ADGRV1: variants seen among roughly 807,000 people sequenced by gnomAD.
The protein encoded by ADGRV1 is adhesion G protein-coupled receptor V1.
Under a neutral mutation model 596.2 loss-of-function variants are expected in ADGRV1, and 359 were observed. That is an observed-to-expected ratio of 0.60 (90% CI 0.55 to 0.66). The LOEUF is 0.66. Among genes scored for constraint, ADGRV1 ranks in the 30% least tolerant of loss-of-function variants. The pLI is 0.00. For synonymous variants in ADGRV1, 2,681 were observed against 2,679.2 expected, an observed-to-expected ratio of 1.00 and a Z score of -0.02; for missense variants, 7,274 against 7,575.6, an observed-to-expected ratio of 0.96 and a Z score of 1.48.
At position 90,836,523 on chromosome 5, in the gene ADGRV1, C is replaced by T. The variant is rs565161610; in HGVS notation, c.16612-4055C>T. ...CATTTCTATAATATTATTGAAATTA[C>T]AAAATTATAGGAATGGAAAAGAAAT... On this transcript the variant is annotated intron_variant, in intron 77 of 89. Transcript: ENST00000405460. 3.8e-4 allele frequency among the ~76,000 whole-genome samples: 58 copies of T among 151,426 alleles called. 1 individual carries two copies. The South Asian group carries it at 0.012, about 31-fold the overall frequency.
At chr5:91,029,211 CA>C (rs200135664) in intron 85 of ADGRV1, among the ~76,000 whole-genome samples, 3,644 of 151,262 alleles carry the variant, frequency 0.024, 58 homozygotes, top group Middle Eastern at 0.076. Context: ...GACTCCGTCT[CA>C]AAAAAAAATT....
intron 1 of ADGRV1, among the ~76,000 whole-genome samples, chr5:90,569,039 G>A (rs568974623): frequency 1.7e-4 from 26 of 152,186 alleles, no homozygotes; most frequent in Non-Finnish European, 3.2e-4. Flanking sequence ...TATCTGGCAA[G>A]GGCTTTTGTG....
intron 73 of ADGRV1, among the ~76,000 whole-genome samples, chr5:90,808,630 C>T (rs1762131615): frequency 6.6e-6 from 1 of 152,206 alleles, no homozygotes; most frequent in South Asian, 2.1e-4. Flanking sequence ...CGTGGCGGCT[C>T]ACGCCTGTAA....
At chr5:90,649,213 A>G (rs1463613977) in intron 17 of ADGRV1, among the ~76,000 whole-genome samples, 1 of 152,120 alleles carries the variant, frequency 6.6e-6, no homozygotes, top group Non-Finnish European at 1.5e-5. Flanking sequence ...CATGTTAGCC[A>G]GGATGGTCTT....
At chr5:90,780,805 A>T (rs558780599) in intron 64 of ADGRV1, among the ~76,000 whole-genome samples, 4 of 151,982 alleles carry the variant, frequency 2.6e-5, no homozygotes, top group African/African-American at 9.7e-5. Context: ...GACTAAAGGG[A>T]TCCTCTCACC....
At chr5:90,906,972 C>T (rs1772383482) in intron 83 of ADGRV1, among the ~76,000 whole-genome samples, 1 of 152,158 alleles carries the variant, frequency 6.6e-6, no homozygotes, top group African/African-American at 2.4e-5. Flanking sequence ...CCTGCTAAGC[C>T]TCTCTGTAGG....
chr5:90,945,465 T>C (rs927183828), intron 83 of ADGRV1, among the ~76,000 whole-genome samples: 3 of 152,078 alleles, frequency 2.0e-5, no homozygotes, highest in East Asian at 1.9e-4. Context: ...ACTGAGGGCA[T>C]TGGTGAGAGA....
intron 50 of ADGRV1, among the ~76,000 whole-genome samples, chr5:90,744,813 C>CT (rs1754422978): frequency 6.6e-6 from 1 of 152,076 alleles, no homozygotes; most frequent in Non-Finnish European, 1.5e-5. Flanking sequence ...CCAGTAATTT[C>CT]TTTTTTATTA....
At chr5:91,046,519 G>A (rs1400260182) in intron 85 of ADGRV1, among the ~76,000 whole-genome samples, 2 of 152,092 alleles carry the variant, frequency 1.3e-5, no homozygotes, top group Admixed American at 1.3e-4. Flanking sequence ...AACTCAAGAT[G>A]GGTTAAGGAC....
At chr5:90,980,286 TA>T (rs1283132612) in intron 84 of ADGRV1, among the ~76,000 whole-genome samples, 3 of 152,222 alleles carry the variant, frequency 2.0e-5, no homozygotes, top group African/African-American at 7.2e-5. Flanking sequence ...AATTTTCATT[TA>T]ATTGTCTCTT....
intron 50 of ADGRV1, among the ~76,000 whole-genome samples, chr5:90,735,279 T>C (rs571056141): frequency 6.6e-6 from 1 of 152,354 alleles, no homozygotes; most frequent in East Asian, 1.9e-4. Context: ...ACTCTCTTTC[T>C]TCATTGTGTG....
chr5:90,824,114 ATTTC>A (rs71982395), intron 76 of ADGRV1, among the ~76,000 whole-genome samples: 5,855 of 152,244 alleles, frequency 0.038, 390 homozygotes, highest in African/African-American at 0.13. Flanking sequence ...TTACAATAAC[ATTTC>A]TTTCAGTATC....
At chr5:90,673,354 C>T (rs1021767417) in intron 22 of ADGRV1, among the ~76,000 whole-genome samples, 2 of 152,170 alleles carry the variant, frequency 1.3e-5, no homozygotes, top group East Asian at 1.9e-4. Flanking sequence ...GGTAATACCA[C>T]GGTCTTTGGT....
chr5:91,061,768 G>A (rs1213707112), intron 85 of ADGRV1, among the ~76,000 whole-genome samples: 1 of 152,204 alleles, frequency 6.6e-6, no homozygotes, highest in Non-Finnish European at 1.5e-5. Flanking sequence ...AATATGTAGA[G>A]TTAGTTAGCA....
intron 83 of ADGRV1, among the ~76,000 whole-genome samples, chr5:90,900,871 G>A (rs1490674610): frequency 3.9e-5 from 6 of 151,932 alleles, no homozygotes; most frequent in African/African-American, 1.2e-4. Flanking sequence ...AAAATACAAA[G>A]AATAAAATAA....
chr5:90,919,994 CAAAAAAAAAAAA>C (rs59122926), intron 83 of ADGRV1, among the ~76,000 whole-genome samples: 3 of 80,082 alleles, frequency 3.7e-5, no homozygotes, highest in Non-Finnish European at 7.4e-5. Context: ...AACTCCATCT[CAAAAAAAAAAAA>C]AAAAAAAAAG....
chr5:90,980,977 G>A (rs183096847), intron 84 of ADGRV1, among the ~76,000 whole-genome samples: 244 of 152,316 alleles, frequency 1.6e-3, no homozygotes, highest in African/African-American at 5.6e-3. Context: ...CTCTCTGTGA[G>A]ATGTGAACCC....
chr5:90,809,660 G>A (rs1365523631), intron 73 of ADGRV1, among the ~76,000 whole-genome samples: 1 of 152,160 alleles, frequency 6.6e-6, no homozygotes, highest in East Asian at 1.9e-4. Context: ...GAGACCAGCA[G>A]TTGTAACCTC....
chr5:91,163,991 A>G lies in ADGRV1; in HGVS notation c.*91A>G. On this transcript the variant is annotated 3_prime_UTR_variant, in exon 90 of 90. Transcript: ENST00000405460. Reference sequence around the variant, plus strand: ...TAAGTACATCCACCTGTGTAATAGGAACCTGTGAATTGTACTGGATGATTA... The same window carrying G: ...TAAGTACATCCACCTGTGTAATAGGGACCTGTGAATTGTACTGGATGATTA... The G allele has an allele frequency of 1.4e-6, 1 of 719,072 alleles. No individual in the cohort carries two copies. The highest frequency in any genetic ancestry group is 2.5e-6 in the Non-Finnish European group (1 of 392,772). The allele number at this position is 719,072 out of a possible 1,614,324, so 44.5% of individuals were successfully genotyped here. A position where few individuals can be genotyped will look rare whatever the true frequency, so the allele number is the denominator to read the frequency against.
Sources: gnomAD v4.1 joint callset for allele counts (sites outside exome capture counted in the v4.1 genomes callset) on GRCh38, gnomAD v4.1.1 for gene constraint, MANE v1.5 for transcripts, NCBI Gene and HGNC (gene_info 2026-07-23, HGNC 2026-07-21) for gene names.